ARHGEF5: variants seen among roughly 807,000 people sequenced by gnomAD.
ARHGEF5 encodes the protein Rho guanine nucleotide exchange factor (GEF) 5.
ARHGEF5 carries 11 observed loss-of-function variants against 104.0 expected under a neutral mutation model. That is an observed-to-expected ratio of 0.11 (90% CI 0.07 to 0.18). The LOEUF is 0.18. Among genes scored for constraint, ARHGEF5 ranks in the 10% least tolerant of loss-of-function variants. The probability of loss-of-function intolerance (pLI) is 1.00; values close to 1 mark genes in which losing one functional copy is unlikely to be tolerated. For synonymous variants in ARHGEF5, 60 were observed against 512.2 expected (o/e 0.12, Z 11.92); for missense variants, 165 against 1,335.4 (o/e 0.12, Z 13.66).
chr7:144,378,687 C>T, intron 13 of ARHGEF5, 75 bp from the exon 14 acceptor site: 6 of 1,273,440 alleles, frequency 4.7e-6, no homozygotes, highest in Non-Finnish European at 5.6e-6. Flanking sequence ...TCCCACGCCA[C>T]CCCCCTCCAA....
chr7:144,378,646 A>G, intron 13 of ARHGEF5, 116 bp from the exon 14 acceptor site: 1 of 788,964 alleles, frequency 1.3e-6, no homozygotes, highest in South Asian at 1.9e-5. Context: ...TGTGACTTTC[A>G]ACAGCCCAAA....
intron 14 of ARHGEF5, 144 bp downstream of exon 14, chr7:144,379,010 G>A (rs1026736222): frequency 1.2e-6 from 1 of 806,926 alleles, no homozygotes; most frequent in African/African-American, 1.7e-5. Flanking sequence ...TCACAGTTCT[G>A]GAGGCAAGAA....
At chr7:144,373,928 A>G (rs2053741725) in intron 10 of ARHGEF5, among the ~76,000 whole-genome samples, 1 of 128,596 alleles carries the variant, frequency 7.8e-6, no homozygotes, top group Non-Finnish European at 1.7e-5. Context: ...TGCAACCTCC[A>G]CCTCCCAGGT....
At chr7:144,379,361 C>T (rs1216643910) in intron 14 of ARHGEF5, among the ~76,000 whole-genome samples, 1 of 152,114 alleles carries the variant, frequency 6.6e-6, no homozygotes, top group African/African-American at 2.4e-5. Context: ...CTGCGTGAGC[C>T]ACCACACCTG....
chr7:144,360,744 G>A (rs1449490075), intron 1 of ARHGEF5, among the ~76,000 whole-genome samples: 1 of 126,926 alleles, frequency 7.9e-6, no homozygotes, highest in Non-Finnish European at 1.7e-5. Flanking sequence ...CCACTATTAG[G>A]CTAAGTATGG....
intron 1 of ARHGEF5, among the ~76,000 whole-genome samples, chr7:144,360,173 T>C (rs1310862608): frequency 8.4e-6 from 1 of 119,534 alleles, no homozygotes; most frequent in East Asian, 3.0e-4. Context: ...CTTGGCTCAC[T>C]GCAGCCTCTG....
In ARHGEF5 at chr7:144,380,564, C is replaced by G. The variant is rs546804172; in HGVS notation, c.*508C>G. The G allele has an allele frequency of 6.5e-5, 10 of 153,268 alleles. No homozygotes were observed. Among genetic ancestry groups the G allele is most frequent in the African/African-American group, 2.2e-4 (9 of 41,558 alleles). 9.5% of individuals were successfully genotyped at this position (153,268 alleles called of 1,614,324 possible). On this transcript the variant is annotated 3_prime_UTR_variant, in exon 15 of 15. Coordinates refer to ENST00000056217, the MANE Select transcript of ARHGEF5 (RefSeq NM_005435.4). ...TGCAAGGTCAGTGTGTCTCTGAGAT[C>G]TATGTCTGTTGGTGGCAATGTGAGG...
Position 144,360,747 on chromosome 7 carries a change from A to T in ARHGEF5, c.-12-1911A>T, listed in dbSNP as rs1278762592. ...ACTGAGTATAGGCCACTATTAGGCT[A>T]AGTATGGATAATTCAGCAAGTCATA... On this transcript the variant is annotated intron_variant, in intron 1 of 14. Transcript: ENST00000056217. Among the ~76,000 whole-genome samples the T allele has an allele frequency of 2.3e-5, 3 of 128,838 alleles. No individual in the cohort carries two copies. In the East Asian group the frequency reaches 6.6e-4, roughly 28 times the overall value. 84.5% of individuals were successfully genotyped at this position (128,838 alleles called of 152,430 possible). A position where few individuals can be genotyped will look rare whatever the true frequency, so the allele number is the denominator to read the frequency against.
Position 144,377,197 on chromosome 7 carries a change from G to A in ARHGEF5, c.4531+7G>A, listed in dbSNP as rs1306452422. 1.3e-5 allele frequency: 18 copies of A among 1,425,414 alleles called. No homozygotes were observed. The highest frequency in any genetic ancestry group is 1.6e-5 in the Non-Finnish European group (17 of 1,066,984). 88.3% of individuals were successfully genotyped at this position (1,425,414 alleles called of 1,614,324 possible). A position where few individuals can be genotyped will look rare whatever the true frequency, so the allele number is the denominator to read the frequency against. ...GACCTTCTGGAGTGTTACAGTGAGT[G>A]AGGGTCTAAGAGGGAGAGAAAAGAA... On this transcript the variant is annotated splice_region_variant and intron_variant, in intron 13 of 14. Transcript: ENST00000056217.
chr7:144,379,845 A>C, intron 14 of ARHGEF5, 54 bp from the exon 15 acceptor site: 1 of 1,605,592 alleles, frequency 6.2e-7, no homozygotes, highest in South Asian at 1.1e-5. Flanking sequence ...TGATCCAGAG[A>C]AGCTATCGTG....
At chr7:144,375,892 T>C (rs2053759437) in intron 12 of ARHGEF5, among the ~76,000 whole-genome samples, 1 of 152,300 alleles carries the variant, frequency 6.6e-6, no homozygotes, top group Non-Finnish European at 1.5e-5. Flanking sequence ...CCACCGAGGC[T>C]TAGCATCTAT....
At position 144,378,860 on chromosome 7, in the gene ARHGEF5, A is replaced by G; in HGVS notation, c.4630A>G (p.Ser1544Gly). 6.2e-7 allele frequency: 1 copy of G among 1,613,976 alleles called. No homozygotes were observed. ...CGTGGTGATGGTGACTCAGCAGAGC[A>G]GTGACGGTAAGCGGGAGCATGCGTG... ...ADVVMVTQQS[S>G]DGWLEGVRLS... Residue 1544 changes from serine to glycine, a missense_variant, in exon 14 of 15, where the codon AGT (serine) becomes GGT (glycine). By Grantham distance (56) the Ser-to-Gly change is moderately conservative. Coordinates refer to ENST00000056217, the MANE Select transcript of ARHGEF5 (RefSeq NM_005435.4).
At chr7:144,377,376 C>T (rs2053768535) in intron 13 of ARHGEF5, among the ~76,000 whole-genome samples, 186 bp downstream of exon 13, 1 of 152,214 alleles carries the variant, frequency 6.6e-6, no homozygotes, top group South Asian at 2.1e-4. Flanking sequence ...CTGCTCATCA[C>T]TATGGCAGTC....
Position 144,363,316 on chromosome 7 carries a change from A to G in ARHGEF5, c.647A>G (p.Gln216Arg). 1.3e-6 allele frequency: 2 copies of G among 1,592,502 alleles called. No homozygotes were observed. Among genetic ancestry groups the G allele is most frequent in the South Asian group, 1.1e-5 (1 of 90,646 alleles). The change falls in exon 2 of 15, where the codon CAG becomes CGG. Residue 216 changes from glutamine (Q) to arginine (R), a missense_variant. Coordinates refer to ENST00000056217, the MANE Select transcript of ARHGEF5 (RefSeq NM_005435.4). Reference protein sequence around the residue: ...QGEELPPEELQESQGLLHPQE... With the variant: ...QGEELPPEELRESQGLLHPQE... ...GAAGAGCTGCCACCTGAGGAGCTGC[A>G]GGAAAGTCAAGGGCTCTTGCATCCC... is the stretch of plus-strand genomic sequence containing the variant.
rs2053668698 is a variant in ARHGEF5 at position 144,363,813 on chromosome 7, TG to T, written c.1147del (p.Asp383MetfsTer28). On this transcript the variant is annotated frameshift_variant, in exon 2 of 15. Coordinates refer to ENST00000056217, the MANE Select transcript of ARHGEF5 (RefSeq NM_005435.4). LOFTEE classifies it high-confidence loss of function. ...SGQEAKEPESWDGGRLGAVGR... is the reference protein window; with the variant it reads ...SGQEAKEPESXDGGRLGAVGR... ...GCAGGAGGCGAAAGAGCCAGAGAGT[TG>T]GGATGGGGGCAGGCTGGGGGCAGTG... is the stretch of plus-strand genomic sequence containing the variant. 1 of 1,495,292 alleles carries T rather than the reference TG, an allele frequency of 6.7e-7. No homozygotes were observed. The allele number at this position is 1,495,292 out of a possible 1,614,324, so 92.6% of individuals were successfully genotyped here.
intron 13 of ARHGEF5, among the ~76,000 whole-genome samples, chr7:144,377,505 G>C (rs891593225): frequency 7.9e-5 from 12 of 152,012 alleles, no homozygotes; most frequent in African/African-American, 2.9e-4. Flanking sequence ...AGGTCTTGTT[G>C]GGGTAGGGGA....
At chr7:144,377,263 G>A in intron 13 of ARHGEF5, 73 bp downstream of exon 13, 1 of 1,536,360 alleles carries the variant, frequency 6.5e-7, no homozygotes, top group Non-Finnish European at 8.8e-7. Context: ...GAGTTTAAAG[G>A]GCTGGGTGGG....
intron 1 of ARHGEF5, among the ~76,000 whole-genome samples, chr7:144,361,034 C>G (rs1437830887): frequency 3.5e-5 from 5 of 144,532 alleles, no homozygotes; most frequent in Non-Finnish European, 1.5e-5. Context: ...TTGAGACCAT[C>G]CTGGCCAGAA....
rs75425481 is a variant in ARHGEF5 at position 144,363,275 on chromosome 7, G to A, written c.606G>A (p.Gly202=). 5.1e-3 allele frequency: 8,132 copies of A among 1,589,382 alleles called. 61 individuals are homozygous for A. The African/African-American group carries it at 0.096, about 19-fold the overall frequency. ...ETNQNEGSES[G]TIRQGEELPP... is the part of the protein sequence containing the mutation. Reference sequence around the variant, plus strand: ...ACCAGAATGAAGGCTCTGAAAGTGGGACTATCAGGCAGGGGGAAGAGCTGC... The same window carrying A: ...ACCAGAATGAAGGCTCTGAAAGTGGAACTATCAGGCAGGGGGAAGAGCTGC... Residue 202 remains glycine, a synonymous_variant, in exon 2 of 15, where the codon GGG becomes GGA. Coordinates refer to ENST00000056217, the MANE Select transcript of ARHGEF5 (RefSeq NM_005435.4).
Sources: allele counts gnomAD v4.1 joint callset (sites outside exome capture counted in the v4.1 genomes callset), GRCh38; gene constraint gnomAD v4.1.1; transcripts MANE v1.5; gene names NCBI Gene and HGNC (gene_info 2026-07-23, HGNC 2026-07-21).